MLPH: variants seen among roughly 807,000 people sequenced by gnomAD.
MLPH encodes melanophilin.
MLPH carries 51 observed loss-of-function variants against 72.1 expected under a neutral mutation model. The observed-to-expected ratio is 0.71, with a 90% CI of 0.56 to 0.89. The LOEUF (loss-of-function observed/expected upper bound fraction) is 0.89, where lower values mean the gene tolerates loss of function less well. MLPH is among the 40% of genes least tolerant of loss of function. The pLI is 0.00. For missense variants in MLPH, 743 were observed against 759.9 expected (o/e 0.98, Z 0.26); for synonymous variants, 301 against 310.1 (o/e 0.97, Z 0.31).
intron 9 of MLPH, 41 bp downstream of exon 9, chr2:237,534,688 C>A: frequency 1.3e-6 from 2 of 1,503,938 alleles, no homozygotes; most frequent in Non-Finnish European, 9.3e-7. Flanking sequence ...GCCCCCACAG[C>A]TCCTTAGTTA....
At chr2:237,537,097 C>T (rs1378236459) in intron 9 of MLPH, among the ~76,000 whole-genome samples, 5 of 152,344 alleles carry the variant, frequency 3.3e-5, no homozygotes, top group Non-Finnish European at 5.9e-5. Flanking sequence ...GGATCTGGGG[C>T]CACCAGCATC....
chr2:237,502,347 G>A (rs1481193114), intron 2 of MLPH, among the ~76,000 whole-genome samples: 6 of 152,198 alleles, frequency 3.9e-5, no homozygotes, highest in Non-Finnish European at 7.3e-5. Flanking sequence ...GAAGAGCCCA[G>A]AACTTCTTAG....
intron 2 of MLPH, among the ~76,000 whole-genome samples, chr2:237,494,350 G>A (rs537100537): frequency 6.6e-6 from 1 of 152,176 alleles, no homozygotes; most frequent in Admixed American, 6.5e-5. Context: ...TGGCGAGGCT[G>A]GAGTGGAGTA....
At chr2:237,501,624 C>T (rs1212378882) in intron 2 of MLPH, among the ~76,000 whole-genome samples, 3 of 139,364 alleles carry the variant, frequency 2.2e-5, no homozygotes, top group Non-Finnish European at 4.5e-5. Flanking sequence ...GTCAAGAGTT[C>T]GAGGCCAGCC....
chr2:237,519,776 G>T, intron 5 of MLPH, 134 bp from the exon 6 acceptor site: 1 of 1,276,066 alleles, frequency 7.8e-7, no homozygotes, highest in South Asian at 1.2e-5. Flanking sequence ...TAGTGGAGGG[G>T]GTGGATGTGC....
intron 1 of MLPH, among the ~76,000 whole-genome samples, chr2:237,491,169 G>T (rs2079421918): frequency 6.6e-6 from 1 of 152,136 alleles, no homozygotes; most frequent in South Asian, 2.1e-4. Context: ...GCTTCCAAAT[G>T]GTCAGCAGCA....
chr2:237,529,545 G>A (rs536617260), intron 8 of MLPH, among the ~76,000 whole-genome samples: 3 of 152,256 alleles, frequency 2.0e-5, no homozygotes, highest in Non-Finnish European at 2.9e-5. Flanking sequence ...TCATGTTACC[G>A]GGGGAAAGGC....
chr2:237,534,143 A>G (rs758352145), intron 8 of MLPH, among the ~76,000 whole-genome samples: 13 of 152,186 alleles, frequency 8.5e-5, no homozygotes, highest in Non-Finnish European at 1.5e-4. Flanking sequence ...CTCCTAGCCC[A>G]CTAGTGACCC....
At chr2:237,491,566 C>T (rs1310710538) in intron 1 of MLPH, among the ~76,000 whole-genome samples, 1 of 152,208 alleles carries the variant, frequency 6.6e-6, no homozygotes, top group African/African-American at 2.4e-5. Flanking sequence ...ACTAATGAGA[C>T]ATCACCAACT....
In MLPH at chr2:237,540,773, T is replaced by C. The variant is rs201516425; in HGVS notation, c.1291-29T>C. ...GAAACCCCACACTCCCTCCTGCTGC[T>C]GGTCAGCCTCCGTCCTTCTCTTTCC... On this transcript the variant is annotated intron_variant, in intron 10 of 15. Coordinates refer to ENST00000264605, the MANE Select transcript of MLPH (RefSeq NM_024101.7). The C allele has an allele frequency of 4.8e-5, 77 of 1,611,282 alleles. 2 individuals are homozygous for C. In the African/African-American group the frequency reaches 1.0e-3, roughly 21 times the overall value.
intron 13 of MLPH, among the ~76,000 whole-genome samples, chr2:237,547,706 G>A (rs1260325479): frequency 8.4e-6 from 1 of 118,420 alleles, no homozygotes; most frequent in Non-Finnish European, 1.8e-5. Flanking sequence ...GGAGCTCCCC[G>A]TGTTTAGGTG....
rs1380827263 is a variant in MLPH at position 237,542,587 on chromosome 2, G to A, written c.1467G>A (p.Arg489=). 1 of 1,604,352 alleles carries A rather than the reference G, an allele frequency of 6.2e-7. No homozygotes were observed. The highest frequency in any genetic ancestry group is 8.5e-7 in the Non-Finnish European group (1 of 1,176,348). ...CGCAGGTTTCAGACATTGAATCCAG[G>A]ATTGCAGCCCTGAGGGCCGCAGGGC... is the stretch of plus-strand genomic sequence containing the variant. ...AESEVSDIES[R]IAALRAAGLT... The change falls in exon 12 of 16, where the codon AGG becomes AGA. Residue 489 remains arginine, a synonymous_variant. Coordinates refer to ENST00000264605, the MANE Select transcript of MLPH (RefSeq NM_024101.7).
At chr2:237,539,468 T>G (rs2080619495) in intron 9 of MLPH, among the ~76,000 whole-genome samples, 1 of 152,198 alleles carries the variant, frequency 6.6e-6, no homozygotes, top group Admixed American at 6.5e-5. Context: ...ACACTTTCAA[T>G]CTCATCGCCT....
At chr2:237,501,679 A>C (rs1209461811) in intron 2 of MLPH, among the ~76,000 whole-genome samples, 1 of 132,008 alleles carries the variant, frequency 7.6e-6, no homozygotes, top group African/African-American at 3.8e-5. Flanking sequence ...AAAAAAAAAA[A>C]AAAAAAAAAA....
chr2:237,553,850 A>T lies in MLPH; in HGVS notation c.*258A>T. 1.5e-6 allele frequency: 1 copy of T among 666,302 alleles called. No homozygotes were observed. The highest frequency in any genetic ancestry group is 1.6e-5 in the South Asian group (1 of 64,288). 41.3% of individuals were successfully genotyped at this position (666,302 alleles called of 1,614,324 possible). A position where few individuals can be genotyped will look rare whatever the true frequency, so the allele number is the denominator to read the frequency against. ...TGTGAGAAACAGCTAAGCTGCTGTG[A>T]CTTCCCTTTAGGACAATGTTGTGTA... On this transcript the variant is annotated 3_prime_UTR_variant, in exon 16 of 16. Transcript: ENST00000264605.
At chr2:237,509,698 A>T (rs542804860) in intron 2 of MLPH, among the ~76,000 whole-genome samples, 1 of 152,248 alleles carries the variant, frequency 6.6e-6, no homozygotes, top group South Asian at 2.1e-4. Context: ...ACATTTTTGT[A>T]AATAGTGGAG....
chr2:237,540,335 C>T lies in MLPH; in HGVS notation c.1105-13C>T, dbSNP rs1479455871. On this transcript the variant is annotated splice_polypyrimidine_tract_variant and intron_variant, in intron 9 of 15. Coordinates refer to ENST00000264605, the MANE Select transcript of MLPH (RefSeq NM_024101.7). ...GGCTAGCCGAATCCAAATCCACTGG[C>T]CTGTTCTGTCAGGGTCTAGGTGCTG... 1.9e-6 allele frequency: 3 copies of T among 1,613,100 alleles called. No individual in the cohort carries two copies. The highest frequency in any genetic ancestry group is 2.5e-6 in the Non-Finnish European group (3 of 1,179,980).
intron 8 of MLPH, 111 bp from the exon 9 acceptor site, chr2:237,534,453 C>G (rs768858451): frequency 1.1e-6 from 1 of 882,518 alleles, no homozygotes; most frequent in Non-Finnish European, 1.9e-6. Context: ...GTGGCCTTAG[C>G]TCTCCTTCCG....
intron 6 of MLPH, among the ~76,000 whole-genome samples, chr2:237,524,785 A>G (rs1559357767): frequency 7.1e-6 from 1 of 141,494 alleles, no homozygotes; most frequent in Non-Finnish European, 1.6e-5. Flanking sequence ...CCCAGGCCCA[A>G]GGCCGGCTTC....
Sources: allele counts gnomAD v4.1 joint callset (sites outside exome capture counted in the v4.1 genomes callset), GRCh38; gene constraint gnomAD v4.1.1; transcripts MANE v1.5; gene names NCBI Gene and HGNC (gene_info 2026-07-23, HGNC 2026-07-21).